The following AGAP1 variants were observed in gnomAD, a reference collection of about 807,000 sequenced individuals.
The protein encoded by AGAP1 is ArfGAP with GTPase domain, ankyrin repeat and PH domain 1.
A neutral mutation model predicts 105.3 loss-of-function variants in AGAP1; 29 were observed. That is an observed-to-expected ratio of 0.28 (90% CI 0.21 to 0.38). The LOEUF (loss-of-function observed/expected upper bound fraction) is 0.38. Among genes scored for constraint, AGAP1 ranks in the 10% least tolerant of loss-of-function variants. AGAP1 has a pLI of 1.00. For synonymous variants in AGAP1, 509 were observed against 485.9 expected (o/e 1.05, Z -0.63); for missense variants, 998 against 1,165.1 (o/e 0.86, Z 2.09).
chr2:235,646,682 GAAC>G (rs1947398588), intron 1 of AGAP1, among the ~76,000 whole-genome samples: 1 of 152,108 alleles, frequency 6.6e-6, no homozygotes, highest in Admixed American at 6.5e-5. Context: ...TCTAACCCCT[GAAC>G]AACAACTAGA....
chr2:235,766,527 C>T (rs193275670), intron 6 of AGAP1, among the ~76,000 whole-genome samples: 1 of 152,194 alleles, frequency 6.6e-6, no homozygotes, highest in African/African-American at 2.4e-5. Flanking sequence ...AGATACACTC[C>T]GTAAAGCGTG....
intron 16 of AGAP1, among the ~76,000 whole-genome samples, chr2:236,102,511 C>T (rs182591397): frequency 4.9e-4 from 74 of 151,160 alleles, no homozygotes; most frequent in Non-Finnish European, 7.8e-4. Context: ...TCACTTGAAC[C>T]CGGGATGCAG....
rs572928828 is a variant in AGAP1 at position 235,655,686 on chromosome 2, G to A, written c.164-53493G>A. The stretch of plus-strand genomic sequence containing the variant: ...TGCGTTCCAGCGAAGCAGGTGCCCC[G>A]TGTGTTGCTCTGCAAGTCCACATGG... On this transcript the variant is annotated intron_variant, in intron 1 of 17. Transcript: ENST00000304032. The surrounding 1 kb of genome is among the most constrained non-coding windows in gnomAD (Gnocchi z 4.3). 2.6e-5 allele frequency among the ~76,000 whole-genome samples: 4 copies of A among 152,330 alleles called. No individual in the cohort carries two copies. The highest frequency in any genetic ancestry group is 2.1e-4 in the South Asian group (1 of 4,820).
chr2:236,054,923 T>C (rs2058010840), intron 16 of AGAP1, among the ~76,000 whole-genome samples: 1 of 151,606 alleles, frequency 6.6e-6, no homozygotes, highest in African/African-American at 2.4e-5. Context: ...TATCTCAAGC[T>C]CACTGATAAA....
At position 235,993,485 on chromosome 2, in the gene AGAP1, G is replaced by A. The variant is rs1301319615; in HGVS notation, c.1645+24862G>A. Among the ~76,000 whole-genome samples the A allele has an allele frequency of 2.0e-5, 3 of 152,224 alleles. No homozygotes were observed. Among genetic ancestry groups the A allele is most frequent in the Non-Finnish European group, 4.4e-5 (3 of 68,028 alleles). On this transcript the variant is annotated intron_variant, in intron 13 of 17. Coordinates refer to ENST00000304032, the MANE Select transcript of AGAP1 (RefSeq NM_001037131.3). This position sits in a 1 kb window ranked among gnomAD's most constrained non-coding sequence, Gnocchi z 5.0. ...AAAGTGGAAGACAGGGAGCACCTCTGCAGGCCTATAGGGAGGTAGTAATTG... is the reference window on the plus strand; with the variant it reads ...AAAGTGGAAGACAGGGAGCACCTCTACAGGCCTATAGGGAGGTAGTAATTG...
intron 13 of AGAP1, among the ~76,000 whole-genome samples, chr2:236,008,381 G>A (rs558897550): frequency 6.6e-6 from 1 of 152,194 alleles, no homozygotes; most frequent in Non-Finnish European, 1.5e-5. Context: ...TGAAAACAGG[G>A]AGAGAAATTT....
At chr2:235,545,242 A>G (rs1467305353) in intron 1 of AGAP1, among the ~76,000 whole-genome samples, 1 of 152,212 alleles carries the variant, frequency 6.6e-6, no homozygotes, top group Non-Finnish European at 1.5e-5. Context: ...CCCCCTTCTC[A>G]TGTTGAAAAT....
rs1229522644 is a variant in AGAP1 at position 235,887,620 on chromosome 2, A to ATC, written c.1155+4174_1155+4175dup. ...GCCCCCGGAGCAGGGGCCTGCATTG[A>ATC]TCTCATATAGCATAGCCTACAGCCC... On this transcript the variant is annotated intron_variant, in intron 10 of 17. Coordinates refer to ENST00000304032, the MANE Select transcript of AGAP1 (RefSeq NM_001037131.3). This position sits in a 1 kb window ranked among gnomAD's most constrained non-coding sequence, Gnocchi z 4.1. Among the ~76,000 whole-genome samples the ATC allele has an allele frequency of 6.6e-6, 1 of 152,142 alleles. No individual in the cohort carries two copies. Among genetic ancestry groups the ATC allele is most frequent in the Non-Finnish European group, 1.5e-5 (1 of 68,030 alleles).
In AGAP1 at chr2:235,952,355, T is replaced by A. The variant is rs533636588; in HGVS notation, c.1484-16107T>A. ...GTCAAAGAAGTTATAACATAGGTTT[T>A]AAAAAAAAAAATTTCATCAGCCAAA... On this transcript the variant is annotated intron_variant, in intron 12 of 17. Coordinates refer to ENST00000304032, the MANE Select transcript of AGAP1 (RefSeq NM_001037131.3). Among the ~76,000 whole-genome samples, 703 of 149,890 alleles carry A rather than the reference T, an allele frequency of 4.7e-3. 2 individuals are homozygous for A. The highest frequency in any genetic ancestry group is 0.013 in the African/African-American group (543 of 40,938).
At chr2:235,651,325 CGATCTGCCA>C (rs1947585428) in intron 1 of AGAP1, among the ~76,000 whole-genome samples, 1 of 150,674 alleles carries the variant, frequency 6.6e-6, no homozygotes, top group African/African-American at 2.4e-5. Context: ...ACTGAGAAAA[CGATCTGCCA>C]GATATCTCCA....
intron 16 of AGAP1, among the ~76,000 whole-genome samples, chr2:236,118,652 G>A (rs893939044): frequency 2.0e-5 from 3 of 152,018 alleles, no homozygotes; most frequent in African/African-American, 7.2e-5. Flanking sequence ...GCCTCCCAAA[G>A]TGCTGGGATT....
Position 236,105,210 on chromosome 2 carries a change from G to A in AGAP1, c.2115-14982G>A, listed in dbSNP as rs2059453921. ...AGCAGTTAGATTCGAGCAAAGTGGTGAATTGGTCTGAATGGAAAAATCCAA... is the reference window on the plus strand; with the variant it reads ...AGCAGTTAGATTCGAGCAAAGTGGTAAATTGGTCTGAATGGAAAAATCCAA... On this transcript the variant is annotated intron_variant, in intron 16 of 17. Transcript: ENST00000304032. This position sits in a 1 kb window ranked among gnomAD's most constrained non-coding sequence, Gnocchi z 4.2. 2.0e-5 allele frequency among the ~76,000 whole-genome samples: 3 copies of A among 152,170 alleles called. No homozygotes were observed. The highest frequency in any genetic ancestry group is 2.0e-4 in the Admixed American group (3 of 15,282).
At chr2:235,537,349 C>T (rs998194167) in intron 1 of AGAP1, among the ~76,000 whole-genome samples, 1 of 152,122 alleles carries the variant, frequency 6.6e-6, no homozygotes, top group African/African-American at 2.4e-5. Flanking sequence ...GGCAGAGGCC[C>T]TGAGGAAGCA....
At chr2:235,735,116 C>T (rs767957825) in intron 3 of AGAP1, among the ~76,000 whole-genome samples, 1 of 151,014 alleles carries the variant, frequency 6.6e-6, no homozygotes, top group African/African-American at 2.4e-5. Context: ...AGATGGGGTG[C>T]GGGCTAACAG....
chr2:235,897,746 TG>T (rs1199905427), intron 10 of AGAP1, among the ~76,000 whole-genome samples: 2 of 152,094 alleles, frequency 1.3e-5, no homozygotes, highest in Admixed American at 1.3e-4. Context: ...AGGATGACTG[TG>T]GGGGGTCATG....
chr2:236,059,466 C>G (rs1279507735), intron 16 of AGAP1, among the ~76,000 whole-genome samples: 3 of 152,034 alleles, frequency 2.0e-5, no homozygotes, highest in African/African-American at 7.2e-5. Context: ...GACAGCTAAT[C>G]CTAAAATTCA....
chr2:236,115,922 A>G (rs889639557), intron 16 of AGAP1, among the ~76,000 whole-genome samples: 2 of 149,642 alleles, frequency 1.3e-5, no homozygotes, highest in African/African-American at 2.5e-5. Context: ...CTCCTGCCTC[A>G]GCCTCCTGAG....
intron 10 of AGAP1, among the ~76,000 whole-genome samples, chr2:235,907,931 A>G (rs896763728): frequency 1.3e-5 from 2 of 152,170 alleles, no homozygotes; most frequent in African/African-American, 4.8e-5. Flanking sequence ...CTGTGTTTGC[A>G]GACAGGGAGT....
In AGAP1 at chr2:236,087,347, A is replaced by G. The variant is rs748341086; in HGVS notation, c.2115-32845A>G. 3.8e-4 allele frequency among the ~76,000 whole-genome samples: 58 copies of G among 152,244 alleles called. No individual in the cohort carries two copies. Among genetic ancestry groups the G allele is most frequent in the Admixed American group, 9.2e-4 (14 of 15,292 alleles). ...GAGCGGGGGCTAGCTGTGGGTGTTC[A>G]TTGAAAGAGTCCAGGTCCCCGACAG... is the stretch of plus-strand genomic sequence containing the variant. On this transcript the variant is annotated intron_variant, in intron 16 of 17. Transcript: ENST00000304032. The surrounding 1 kb of genome is among the most constrained non-coding windows in gnomAD (Gnocchi z 5.7).
Sources: allele counts gnomAD v4.1 joint callset (sites outside exome capture counted in the v4.1 genomes callset), GRCh38; gene constraint gnomAD v4.1.1; non-coding constraint Gnocchi (gnomAD v3.1); transcripts MANE v1.5; gene names NCBI Gene and HGNC (gene_info 2026-07-23, HGNC 2026-07-21).